Variants in TCF12 observed in about 807,000 individuals in gnomAD.
The protein encoded by TCF12 is transcription factor 12, also known as DNA-binding protein HTF4.
A neutral mutation model predicts 86.0 loss-of-function variants in TCF12; 45 were observed. The ratio of observed to expected loss-of-function variants is 0.52; its 90% CI spans 0.41 to 0.67. The LOEUF is 0.67. Among genes scored for constraint, TCF12 ranks in the 30% least tolerant of loss-of-function variants. The probability of loss-of-function intolerance (pLI) is 0.00; values close to 1 mark genes in which losing one functional copy is unlikely to be tolerated. For synonymous variants in TCF12, 330 were observed against 299.6 expected, an observed-to-expected ratio of 1.10 and a Z score of -1.05; for missense variants, 881 against 859.9, an observed-to-expected ratio of 1.02 and a Z score of -0.31.
chr15:57,094,197 C>T (rs893385054), intron 5 of TCF12, among the ~76,000 whole-genome samples: 8 of 152,162 alleles, frequency 5.3e-5, no homozygotes, highest in African/African-American at 1.2e-4. Flanking sequence ...CCAGACCATA[C>T]GTTTTATTTG....
At chr15:57,257,063 A>T (rs1040425898) in intron 16 of TCF12, among the ~76,000 whole-genome samples, 2 of 152,246 alleles carry the variant, frequency 1.3e-5, no homozygotes, top group African/African-American at 4.8e-5. Context: ...GAAAGCAGCT[A>T]TAGATAATAT....
intron 3 of TCF12, among the ~76,000 whole-genome samples, chr15:56,976,517 C>A (rs940259529): frequency 7.3e-5 from 11 of 151,696 alleles, no homozygotes; most frequent in Admixed American, 1.3e-4. Context: ...GAGGAAGTTT[C>A]TTTTTATAGA....
At chr15:57,172,987 G>A (rs1262247416) in intron 6 of TCF12, among the ~76,000 whole-genome samples, 2 of 151,948 alleles carry the variant, frequency 1.3e-5, no homozygotes, top group African/African-American at 4.8e-5. Context: ...GTGGCAGGAG[G>A]CTGAGGCGGG....
chr15:57,062,353 T>C (rs1357849615), intron 3 of TCF12, among the ~76,000 whole-genome samples: 1 of 152,090 alleles, frequency 6.6e-6, no homozygotes, highest in African/African-American at 2.4e-5. Context: ...CAAAACACTG[T>C]TCACGTAATC....
intron 4 of TCF12, among the ~76,000 whole-genome samples, chr15:57,085,932 A>T (rs936312631): frequency 6.6e-6 from 1 of 152,124 alleles, no homozygotes; most frequent in Non-Finnish European, 1.5e-5. Context: ...ATACTTGTTC[A>T]ATCCGGTTAG....
chr15:56,951,059 A>T (rs1182933756), intron 3 of TCF12, among the ~76,000 whole-genome samples: 1 of 152,062 alleles, frequency 6.6e-6, no homozygotes, highest in African/African-American at 2.4e-5. Context: ...CCCGGCCATT[A>T]TGACCATTCT....
intron 5 of TCF12, among the ~76,000 whole-genome samples, chr15:57,130,676 G>A (rs2052039872): frequency 6.6e-6 from 1 of 152,116 alleles, no homozygotes; most frequent in Non-Finnish European, 1.5e-5. Context: ...GAGTGTTAAA[G>A]AGATTCTTTT....
At chr15:57,258,950 T>G (rs2060467265) in intron 16 of TCF12, among the ~76,000 whole-genome samples, 1 of 152,178 alleles carries the variant, frequency 6.6e-6, no homozygotes. Context: ...ATTTGGACAG[T>G]ATTTAATTTT....
Position 57,273,536 on chromosome 15 carries a change from G to T in TCF12, c.1978+274G>T, listed in dbSNP as rs371974156. On this transcript the variant is annotated intron_variant, in intron 19 of 20. Coordinates refer to ENST00000333725, the MANE Select transcript of TCF12 (RefSeq NM_207037.2). ...GCCTGCTGCTCAGCAATAGTGCTTT[G>T]TGTCTCTTTGCTCTGGTTGCTTCTG... 3.0e-3 allele frequency among the ~76,000 whole-genome samples: 462 copies of T among 152,130 alleles called. 2 individuals carry two copies. Among genetic ancestry groups the T allele is most frequent in the African/African-American group, 9.0e-3 (375 of 41,498 alleles).
intron 6 of TCF12, among the ~76,000 whole-genome samples, chr15:57,171,720 CAT>C (rs1226039867): frequency 4.6e-5 from 7 of 152,262 alleles, no homozygotes; most frequent in South Asian, 4.2e-4. Context: ...AAAGGAAACT[CAT>C]GTGGCAGTAT....
chr15:57,141,558 G>T (rs1398698349), intron 5 of TCF12, among the ~76,000 whole-genome samples: 1 of 151,914 alleles, frequency 6.6e-6, no homozygotes, highest in African/African-American at 2.4e-5. Flanking sequence ...CATGTTAGTC[G>T]GGCTGGTCTC....
At chr15:57,009,884 A>G (rs1338120541) in intron 3 of TCF12, among the ~76,000 whole-genome samples, 3 of 152,122 alleles carry the variant, frequency 2.0e-5, no homozygotes, top group Admixed American at 2.0e-4. Flanking sequence ...GCTCTGTGTG[A>G]CTCTATGTAA....
At chr15:56,947,264 T>C (rs1444576598) in intron 3 of TCF12, among the ~76,000 whole-genome samples, 1 of 152,152 alleles carries the variant, frequency 6.6e-6, no homozygotes, top group Non-Finnish European at 1.5e-5. Context: ...TTTACAACTC[T>C]GGTTGTTTTT....
intron 5 of TCF12, among the ~76,000 whole-genome samples, chr15:57,148,020 A>C (rs1257588054): frequency 1.3e-5 from 2 of 151,704 alleles, no homozygotes; most frequent in African/African-American, 2.4e-5. Context: ...CTGGGAGTAC[A>C]GGTGCACGTC....
intron 4 of TCF12, among the ~76,000 whole-genome samples, chr15:57,083,154 A>G (rs2048417464): frequency 6.6e-6 from 1 of 152,194 alleles, no homozygotes; most frequent in Non-Finnish European, 1.5e-5. Context: ...TAAAAAACAA[A>G]TTTAGGATAG....
chr15:56,976,894 A>G (rs1054472003), intron 3 of TCF12, among the ~76,000 whole-genome samples: 3 of 152,210 alleles, frequency 2.0e-5, no homozygotes, highest in Non-Finnish European at 2.9e-5. Flanking sequence ...CCTCCACAAA[A>G]TCTCAAGGAA....
chr15:57,124,383 C>T (rs1478153843), intron 5 of TCF12, among the ~76,000 whole-genome samples: 3 of 152,146 alleles, frequency 2.0e-5, no homozygotes, highest in East Asian at 1.9e-4. Flanking sequence ...AATTTGGGAG[C>T]TAGCATGTTT....
At chr15:56,937,266 T>G (rs1401741679) in intron 3 of TCF12, among the ~76,000 whole-genome samples, 1 of 152,202 alleles carries the variant, frequency 6.6e-6, no homozygotes, top group East Asian at 1.9e-4. Flanking sequence ...GATTTGATTA[T>G]CAGTTTGGTC....
chr15:57,043,642 TA>T (rs1212434386), intron 3 of TCF12, among the ~76,000 whole-genome samples: 3 of 152,232 alleles, frequency 2.0e-5, no homozygotes, highest in Non-Finnish European at 2.9e-5. Flanking sequence ...TTAATTGATT[TA>T]AAACAATATT....
Sources: allele counts gnomAD v4.1 joint callset (sites outside exome capture counted in the v4.1 genomes callset), GRCh38; gene constraint gnomAD v4.1.1; transcripts MANE v1.5; gene names NCBI Gene and HGNC (gene_info 2026-07-23, HGNC 2026-07-21).